CREB3L2: variants seen among roughly 807,000 people sequenced by gnomAD.
The protein encoded by CREB3L2 is cAMP responsive element binding protein 3 like 2.
Under a neutral mutation model 57.2 loss-of-function variants are expected in CREB3L2, and 23 were observed. The ratio of observed to expected loss-of-function variants is 0.40; its 90% CI spans 0.29 to 0.57. The LOEUF (loss-of-function observed/expected upper bound fraction) is 0.57, where lower values mean the gene tolerates loss of function less well. CREB3L2 is among the 20% of genes least tolerant of loss of function. The pLI, the probability that CREB3L2 is intolerant of heterozygous loss-of-function variation, is 0.42. For synonymous variants in CREB3L2, 268 were observed against 265.1 expected (o/e 1.01, Z -0.11); for missense variants, 628 against 634.7 (o/e 0.99, Z 0.11).
intron 1 of CREB3L2, among the ~76,000 whole-genome samples, chr7:137,977,342 A>G (rs1801625925): frequency 6.6e-6 from 1 of 152,224 alleles, no homozygotes; most frequent in African/African-American, 2.4e-5. Flanking sequence ...TCTGTCCTCT[A>G]AGAGACCCAA....
At chr7:137,972,684 C>CA (rs58627909) in intron 1 of CREB3L2, among the ~76,000 whole-genome samples, 29 of 9,632 alleles carry the variant, frequency 3.0e-3, no homozygotes, top group Admixed American at 6.0e-3. Flanking sequence ...CCCGTCTCTA[C>CA]AAAAAAAAAA....
chr7:137,966,346 CT>C (rs1327068490), intron 1 of CREB3L2, among the ~76,000 whole-genome samples: 1 of 152,146 alleles, frequency 6.6e-6, no homozygotes, highest in Non-Finnish European at 1.5e-5. Flanking sequence ...ATGTGATGCA[CT>C]TTCAGAAAGC....
At chr7:137,994,248 G>C (rs1469701661) in intron 1 of CREB3L2, among the ~76,000 whole-genome samples, 4 of 152,234 alleles carry the variant, frequency 2.6e-5, no homozygotes, top group South Asian at 2.1e-4. Context: ...AGACAGCGTA[G>C]AGCCATGTCA....
intron 1 of CREB3L2, among the ~76,000 whole-genome samples, chr7:137,978,102 T>C (rs113965635): frequency 1.6e-4 from 25 of 152,228 alleles, no homozygotes; most frequent in African/African-American, 5.3e-4. Flanking sequence ...ATAGGTATTA[T>C]CATTTCACCT....
In CREB3L2 at chr7:138,001,660, G is replaced by A. The variant is rs182150690; in HGVS notation, c.46C>T (p.Arg16Cys). 835 of 1,613,284 alleles carry A rather than the reference G, an allele frequency of 5.2e-4. 11 individuals carry two copies. In the East Asian group the frequency reaches 0.017, roughly 32 times the overall value. ...SGEQGVLQWD[R>C]KLSELSEPGD... is the part of the protein sequence containing the mutation. ...GGCTCTGACAGCTCGCTCAGCTTGC[G>A]GTCCCACTGCAGCACGCCCTGCTCC... Residue 16 changes from arginine (R) to cysteine (C), a missense_variant, in exon 1 of 12, where the codon CGC becomes TGC. Transcript: ENST00000330387. The surrounding 1 kb of genome is among the most constrained non-coding windows in gnomAD (Gnocchi z 4.2).
rs115093293 is a variant in CREB3L2 at position 137,886,279 on chromosome 7, A to T, written c.1044-777T>A. Reference sequence around the variant, plus strand: ...ACATAAAAAAGGGACAAAGGCAAAGAGAAGGAAAAATAAAAAATGACCAGC... The same window carrying T: ...ACATAAAAAAGGGACAAAGGCAAAGTGAAGGAAAAATAAAAAATGACCAGC... On this transcript the variant is annotated intron_variant, in intron 8 of 11. Coordinates refer to ENST00000330387, the MANE Select transcript of CREB3L2 (RefSeq NM_194071.4). Among the ~76,000 whole-genome samples the T allele has an allele frequency of 6.9e-3, 1,048 of 152,358 alleles. 10 individuals carry two copies. The highest frequency in any genetic ancestry group is 0.024 in the African/African-American group (1,012 of 41,580).
intron 4 of CREB3L2, among the ~76,000 whole-genome samples, chr7:137,912,142 C>T (rs1313226700): frequency 6.6e-6 from 1 of 152,036 alleles, no homozygotes; most frequent in Non-Finnish European, 1.5e-5. Context: ...TTCAGGAGGC[C>T]GAAGCAGGCG....
chr7:137,923,619 C>A (rs1226899716), intron 2 of CREB3L2, among the ~76,000 whole-genome samples: 2 of 152,214 alleles, frequency 1.3e-5, no homozygotes, highest in African/African-American at 4.8e-5. Flanking sequence ...ATTTTCAAGT[C>A]TCACTTCTAT....
chr7:137,961,289 C>G (rs1162859794), intron 1 of CREB3L2, among the ~76,000 whole-genome samples: 2 of 152,012 alleles, frequency 1.3e-5, no homozygotes, highest in African/African-American at 4.8e-5. Context: ...TCCTTGCAGT[C>G]AAGCCAGCAT....
At chr7:137,919,841 T>C (rs577777880) in intron 2 of CREB3L2, among the ~76,000 whole-genome samples, 19 of 152,316 alleles carry the variant, frequency 1.2e-4, no homozygotes, top group Admixed American at 9.2e-4. Flanking sequence ...AAGAAAGTGA[T>C]AGAAAAGCAT....
At chr7:137,886,076 G>A (rs116930093) in intron 8 of CREB3L2, among the ~76,000 whole-genome samples, 163 of 152,222 alleles carry the variant, frequency 1.1e-3, no homozygotes, top group Middle Eastern at 6.8e-3. Flanking sequence ...CGCCCAACAC[G>A]GAATCTCCCA....
intron 1 of CREB3L2, among the ~76,000 whole-genome samples, chr7:137,976,865 C>T (rs371911506): frequency 1.1e-4 from 17 of 152,198 alleles, no homozygotes; most frequent in South Asian, 4.1e-4. Flanking sequence ...GTGGGAGAGG[C>T]CAGTGGGTGG....
chr7:137,912,909 C>T (rs1563249465), intron 4 of CREB3L2, 82 bp downstream of exon 4: 13 of 1,580,606 alleles, frequency 8.2e-6, no homozygotes, highest in African/African-American at 1.3e-5. Context: ...CAAACTCATC[C>T]CAGCTCTCTC....
intron 1 of CREB3L2, among the ~76,000 whole-genome samples, chr7:137,971,404 C>T (rs1395450572): frequency 6.6e-6 from 1 of 150,940 alleles, no homozygotes; most frequent in Non-Finnish European, 1.5e-5. Context: ...GAGCCGAGAT[C>T]GCGCCATTGC....
At chr7:137,923,149 G>A (rs1421626649) in intron 2 of CREB3L2, among the ~76,000 whole-genome samples, 1 of 152,182 alleles carries the variant, frequency 6.6e-6, no homozygotes, top group Non-Finnish European at 1.5e-5. Flanking sequence ...CTTCAATGGA[G>A]AAGTTATGAC....
intron 1 of CREB3L2, among the ~76,000 whole-genome samples, chr7:137,997,355 A>G (rs1229243178): frequency 6.6e-6 from 1 of 152,186 alleles, no homozygotes; most frequent in Non-Finnish European, 1.5e-5. Context: ...CCACTTCTTG[A>G]GCATCCTTCC....
intron 1 of CREB3L2, among the ~76,000 whole-genome samples, chr7:137,987,386 T>A (rs1309522773): frequency 1.3e-5 from 2 of 151,762 alleles, no homozygotes; most frequent in Non-Finnish European, 2.9e-5. Flanking sequence ...AAGTTTTCAG[T>A]AGCAAAAAAA....
chr7:137,966,750 T>C (rs1801414415), intron 1 of CREB3L2, among the ~76,000 whole-genome samples: 1 of 152,226 alleles, frequency 6.6e-6, no homozygotes, highest in Non-Finnish European at 1.5e-5. Context: ...ACTGACAAGC[T>C]GCTAGAACTG....
In CREB3L2 at chr7:137,880,191, A is replaced by G. The variant is rs1799263336; in HGVS notation, c.*285T>C. 2.1e-6 allele frequency: 1 copy of G among 477,098 alleles called. No homozygotes were observed. Among genetic ancestry groups the G allele is most frequent in the Non-Finnish European group, 3.8e-6 (1 of 260,042 alleles). 29.6% of individuals were successfully genotyped at this position (477,098 alleles called of 1,614,324 possible). A position where few individuals can be genotyped will look rare whatever the true frequency, so the allele number is the denominator to read the frequency against. On this transcript the variant is annotated 3_prime_UTR_variant, in exon 12 of 12. Coordinates refer to ENST00000330387, the MANE Select transcript of CREB3L2 (RefSeq NM_194071.4). The surrounding 1 kb of genome is among the most constrained non-coding windows in gnomAD (Gnocchi z 4.0). Reference sequence around the variant, plus strand: ...AATATCTTTTTGGCACTATTGGTGGAAACAAGCCTGCTTGTCCCACCTCCA... The same window carrying G: ...AATATCTTTTTGGCACTATTGGTGGGAACAAGCCTGCTTGTCCCACCTCCA...
Sources: allele counts gnomAD v4.1 joint callset (sites outside exome capture counted in the v4.1 genomes callset), GRCh38; gene constraint gnomAD v4.1.1; non-coding constraint Gnocchi (gnomAD v3.1); transcripts MANE v1.5; gene names NCBI Gene and HGNC (gene_info 2026-07-23, HGNC 2026-07-21).